LUZP2: variants seen among roughly 807,000 people sequenced by gnomAD.
The protein encoded by LUZP2 is leucine zipper protein 2.
In LUZP2, 52 loss-of-function variants were observed where a neutral mutation model predicts 51.6. The ratio of observed to expected loss-of-function variants is 1.01; its 90% CI spans 0.81 to 1.27. The LOEUF (loss-of-function observed/expected upper bound fraction) is 1.27, where lower values mean the gene tolerates loss of function less well. LUZP2 is among the 50% of genes most tolerant of loss of function. The pLI is 0.00. For synonymous variants in LUZP2, 154 were observed against 137.3 expected (o/e 1.12, Z -0.85); for missense variants, 436 against 395.4 (o/e 1.10, Z -0.87).
intron 5 of LUZP2, among the ~76,000 whole-genome samples, chr11:24,850,911 G>T (rs1041823700): frequency 2.0e-5 from 3 of 151,484 alleles, no homozygotes; most frequent in African/African-American, 7.3e-5. Flanking sequence ...TCATGATTTG[G>T]CTCTCTATTA....
At chr11:24,648,404 G>C (rs909706182) in intron 1 of LUZP2, among the ~76,000 whole-genome samples, 4 of 151,754 alleles carry the variant, frequency 2.6e-5, no homozygotes, top group Non-Finnish European at 4.4e-5. Context: ...TACATATTTA[G>C]GGAATTTGTT....
chr11:24,994,161 T>C (rs1316895958), intron 9 of LUZP2, among the ~76,000 whole-genome samples: 1 of 63,478 alleles, frequency 1.6e-5, no homozygotes, highest in East Asian at 1.6e-3. Context: ...ACCTGGCCCT[T>C]TTTTTTTTTT....
At chr11:24,582,545 A>T (rs1441781794) in intron 1 of LUZP2, among the ~76,000 whole-genome samples, 1 of 152,120 alleles carries the variant, frequency 6.6e-6, no homozygotes, top group Non-Finnish European at 1.5e-5. Context: ...AGTAAAAATG[A>T]AATAACTTTT....
chr11:25,074,964 A>T (rs2134060254), intron 10 of LUZP2, among the ~76,000 whole-genome samples: 1 of 152,324 alleles, frequency 6.6e-6, no homozygotes, highest in Non-Finnish European at 1.5e-5. Flanking sequence ...TACCAAGTGC[A>T]TTTTGGGAAA....
intron 1 of LUZP2, among the ~76,000 whole-genome samples, chr11:24,516,388 T>G (rs1850461581): frequency 6.6e-6 from 1 of 152,188 alleles, no homozygotes; most frequent in Admixed American, 6.5e-5. Context: ...AATCTGGGAA[T>G]AGCCACCCAG....
intron 7 of LUZP2, among the ~76,000 whole-genome samples, chr11:24,930,736 G>C (rs1445333528): frequency 6.6e-6 from 1 of 152,112 alleles, no homozygotes; most frequent in Non-Finnish European, 1.5e-5. Context: ...TTTCCCAGGT[G>C]TTCTTTGAGG....
intron 1 of LUZP2, among the ~76,000 whole-genome samples, chr11:24,515,256 T>C (rs1014897271): frequency 1.3e-5 from 2 of 152,144 alleles, no homozygotes; most frequent in African/African-American, 4.8e-5. Flanking sequence ...AGGAGAGAAG[T>C]GGTATTCTAG....
chr11:24,831,766 A>T (rs17307194), intron 5 of LUZP2: 24,716 of 152,570 alleles, frequency 0.16, 2,066 homozygotes, highest in South Asian at 0.22. Flanking sequence ...GAGAAGAGAA[A>T]ATCTTTAAAA....
intron 5 of LUZP2, among the ~76,000 whole-genome samples, chr11:24,795,473 A>C (rs1849520749): frequency 6.6e-6 from 1 of 152,178 alleles, no homozygotes; most frequent in South Asian, 2.1e-4. Context: ...CATTTTACAG[A>C]GTATTTTCAA....
intron 6 of LUZP2, among the ~76,000 whole-genome samples, chr11:24,907,726 C>A (rs2133790821): frequency 6.6e-6 from 1 of 152,162 alleles, no homozygotes; most frequent in East Asian, 1.9e-4. Flanking sequence ...AGAGGAAGCT[C>A]CTATGAGAAA....
chr11:24,632,935 T>G (rs1334784750), intron 1 of LUZP2, among the ~76,000 whole-genome samples: 4 of 152,012 alleles, frequency 2.6e-5, no homozygotes, highest in African/African-American at 9.6e-5. Flanking sequence ...AGAAATGATA[T>G]GTACTGCAAC....
chr11:24,843,412 G>T (rs1301974437), intron 5 of LUZP2, among the ~76,000 whole-genome samples: 4 of 152,058 alleles, frequency 2.6e-5, no homozygotes, highest in Non-Finnish European at 5.9e-5. Context: ...GACAGTAATA[G>T]AAGTGAAAAT....
chr11:24,518,838 T>C (rs1395343529), intron 1 of LUZP2, among the ~76,000 whole-genome samples: 1 of 152,238 alleles, frequency 6.6e-6, no homozygotes, highest in Non-Finnish European at 1.5e-5. Flanking sequence ...GTTCGGCTTT[T>C]ATAGAGAAAG....
At chr11:25,022,266 T>C (rs902796858) in intron 9 of LUZP2, among the ~76,000 whole-genome samples, 1 of 152,092 alleles carries the variant, frequency 6.6e-6, no homozygotes, top group African/African-American at 2.4e-5. Context: ...TTTATGAAAG[T>C]ACCTCTTTTA....
chr11:25,025,855 G>A (rs1857474933), intron 9 of LUZP2, among the ~76,000 whole-genome samples: 1 of 152,254 alleles, frequency 6.6e-6, no homozygotes, highest in African/African-American at 2.4e-5. Flanking sequence ...TATGTTTATT[G>A]TGGCACTATT....
At chr11:24,845,934 C>T (rs2631472) in intron 5 of LUZP2, among the ~76,000 whole-genome samples, 23,038 of 151,970 alleles carry the variant, frequency 0.15, 1,917 homozygotes, top group African/African-American at 0.2. Flanking sequence ...AATAAAGCTA[C>T]TAACAAAATA....
At chr11:24,816,610 C>T (rs568386372) in intron 5 of LUZP2, among the ~76,000 whole-genome samples, 5 of 152,028 alleles carry the variant, frequency 3.3e-5, no homozygotes, top group African/African-American at 4.8e-5. Flanking sequence ...TATCTGGATT[C>T]AGGATTTTCT....
intron 9 of LUZP2, among the ~76,000 whole-genome samples, chr11:25,011,088 A>T (rs1002267028): frequency 6.6e-6 from 1 of 152,160 alleles, no homozygotes; most frequent in Non-Finnish European, 1.5e-5. Context: ...TTAATGGGTT[A>T]ATTCTGAACA....
At chr11:24,654,555 C>T (rs1855739786) in intron 1 of LUZP2, among the ~76,000 whole-genome samples, 3 of 152,002 alleles carry the variant, frequency 2.0e-5, no homozygotes, top group Admixed American at 1.3e-4. Context: ...CAGGCTGGAG[C>T]ACAGTGGCGC....
Sources: gnomAD v4.1 joint callset for allele counts (sites outside exome capture counted in the v4.1 genomes callset) on GRCh38, gnomAD v4.1.1 for gene constraint, MANE v1.5 for transcripts, NCBI Gene and HGNC (gene_info 2026-07-23, HGNC 2026-07-21) for gene names.